GSPT1: variants seen among roughly 807,000 people sequenced by gnomAD.
GSPT1 encodes eukaryotic peptide chain release factor GTP-binding subunit ERF3A.
Under a neutral mutation model 72.5 loss-of-function variants are expected in GSPT1, and 20 were observed. That is an observed-to-expected ratio of 0.28 (90% CI 0.19 to 0.40). The LOEUF (loss-of-function observed/expected upper bound fraction) is 0.40, where lower values mean the gene tolerates loss of function less well. Among genes scored for constraint, GSPT1 ranks in the 10% least tolerant of loss-of-function variants. GSPT1 has a pLI of 1.00. For synonymous variants in GSPT1, 334 were observed against 293.5 expected (o/e 1.14, Z -1.41); for missense variants, 580 against 811.9 (o/e 0.71, Z 3.47).
Position 11,887,676 on chromosome 16 carries a change from T to C in GSPT1, c.851A>G (p.Tyr284Cys), listed in dbSNP as rs773652750. ...KGKTVEVGRA[Y>C]FETEKKHFTI... ...GAAATGCTTCTTTTCGGTTTCAAAA[T>C]AGGCACGACCCACTTCTACTGTTTT... is the stretch of plus-strand genomic sequence containing the variant. The change falls in exon 7 of 15, where the codon TAT becomes TGT. Residue 284 changes from tyrosine to cysteine, a missense_variant. Physicochemically the swap from Tyr to Cys is radical, Grantham distance 194. Coordinates refer to ENST00000434724, the MANE Select transcript of GSPT1 (RefSeq NM_002094.4). 9 of 1,613,438 alleles carry C rather than the reference T, an allele frequency of 5.6e-6. No individual in the cohort carries two copies. The highest frequency in any genetic ancestry group is 3.3e-5 in the South Asian group (3 of 91,074).
intron 1 of GSPT1, among the ~76,000 whole-genome samples, chr16:11,898,602 C>A (rs148073993): frequency 4.2e-4 from 64 of 152,240 alleles, no homozygotes; most frequent in African/African-American, 1.4e-3. Context: ...CAGGTGCATG[C>A]CACCATGCCC....
intron 11 of GSPT1, chr16:11,881,646 C>T (rs1386149237): frequency 1.5e-5 from 1 of 66,956 alleles, no homozygotes; most frequent in African/African-American, 4.4e-5. Flanking sequence ...CTGCCTTACA[C>T]TTCCATAGCT....
At chr16:11,894,923 C>G (rs2054315196) in intron 5 of GSPT1, 31 bp downstream of exon 5, 1 of 1,413,422 alleles carries the variant, frequency 7.1e-7, no homozygotes. Context: ...ATCAATTTAA[C>G]TCTGTTATTT....
Position 11,887,021 on chromosome 16 carries a change from G to A in GSPT1, c.958-90C>T, listed in dbSNP as rs978816320. 9.2e-6 allele frequency: 5 copies of A among 545,750 alleles called. No homozygotes were observed. In the East Asian group the frequency reaches 1.1e-4, roughly 12 times the overall value. 33.8% of individuals were successfully genotyped at this position (545,750 alleles called of 1,614,324 possible). A position where few individuals can be genotyped will look rare whatever the true frequency, so the allele number is the denominator to read the frequency against. ...ATCTTTCCTTTCAGTTATATCACGA[G>A]TTTTTTTTTTTTTTTTTGCAAGAAA... On this transcript the variant is annotated intron_variant, in intron 7 of 14. Transcript: ENST00000434724.
intron 5 of GSPT1, among the ~76,000 whole-genome samples, chr16:11,892,511 AAAC>A (rs1298165388): frequency 3.0e-5 from 4 of 134,000 alleles, no homozygotes; most frequent in Non-Finnish European, 6.3e-5. Context: ...TTTCTCAAAA[AAAC>A]AAAAAAAACA....
At chr16:11,876,212 T>C in intron 12 of GSPT1, 37 bp from the exon 13 acceptor site, 1 of 1,254,616 alleles carries the variant, frequency 8.0e-7, no homozygotes, top group Non-Finnish European at 1.2e-6. Flanking sequence ...TCTTTAGCCT[T>C]AGGGTAAATA....
At chr16:11,892,957 G>C (rs988408592) in intron 5 of GSPT1, among the ~76,000 whole-genome samples, 1 of 150,314 alleles carries the variant, frequency 6.7e-6, no homozygotes, top group Admixed American at 6.7e-5. Flanking sequence ...AGGAAGTTTT[G>C]ATGAATGACT....
intron 5 of GSPT1, among the ~76,000 whole-genome samples, chr16:11,894,443 T>G (rs1358737067): frequency 1.3e-5 from 2 of 152,068 alleles, no homozygotes; most frequent in Non-Finnish European, 2.9e-5. Context: ...CATATACATT[T>G]AAGGAGCTGA....
chr16:11,896,077 T>C (rs1160768947), intron 4 of GSPT1, among the ~76,000 whole-genome samples: 2 of 152,268 alleles, frequency 1.3e-5, no homozygotes, highest in Non-Finnish European at 2.9e-5. Context: ...AATTAGAGAA[T>C]ATCTGAGTAA....
At chr16:11,905,469 T>C (rs2054476916) in intron 1 of GSPT1, among the ~76,000 whole-genome samples, 1 of 152,180 alleles carries the variant, frequency 6.6e-6, no homozygotes, top group Admixed American at 6.6e-5. Context: ...TCCCATTCCC[T>C]GTCCATCCCC....
chr16:11,878,403 C>T (rs1376580790), intron 11 of GSPT1, among the ~76,000 whole-genome samples: 1 of 152,090 alleles, frequency 6.6e-6, no homozygotes, highest in East Asian at 1.9e-4. Flanking sequence ...AGGCGTGAGC[C>T]ACTGTGCCCG....
chr16:11,911,528 G>C (rs1406023412), intron 1 of GSPT1, among the ~76,000 whole-genome samples: 1 of 149,286 alleles, frequency 6.7e-6, no homozygotes, highest in Non-Finnish European at 1.5e-5. Context: ...TGGGACTACA[G>C]GTTTGTGCCA....
chr16:11,887,767 A>G lies in GSPT1; in HGVS notation c.777-17T>C, dbSNP rs1345625309. ...GACAAGTACCTGAAATAATTTTTAA[A>G]AAAAGAACAATATTCCTAAGAACAT... On this transcript the variant is annotated splice_polypyrimidine_tract_variant and intron_variant, in intron 6 of 14. Transcript: ENST00000434724. 1.3e-6 allele frequency: 2 copies of G among 1,545,800 alleles called. No homozygotes were observed. Among genetic ancestry groups the G allele is most frequent in the South Asian group, 2.3e-5 (2 of 86,172 alleles).
At chr16:11,895,837 G>C (rs1223839309) in intron 4 of GSPT1, among the ~76,000 whole-genome samples, 3 of 152,308 alleles carry the variant, frequency 2.0e-5, no homozygotes, top group East Asian at 3.9e-4. Flanking sequence ...ATGTTGGCCA[G>C]GCTGGTCTTG....
Position 11,886,859 on chromosome 16 carries a change from A to G in GSPT1, c.1030T>C (p.Leu344=). 3.7e-6 allele frequency: 6 copies of G among 1,613,574 alleles called. No homozygotes were observed. Among genetic ancestry groups the G allele is most frequent in the Non-Finnish European group, 4.2e-6 (5 of 1,179,512 alleles). ...TGTTTTACACCTGCTGTCTTTGCCA[A>G]CATTGCATGTTCTCTTGTCTGTCCT... is the stretch of plus-strand genomic sequence containing the variant. ...KGGQTREHAM[L]AKTAGVKHLI... The change falls in exon 8 of 15, where the codon TTG becomes CTG. Residue 344 remains leucine (L), a synonymous_variant. Transcript: ENST00000434724.
chr16:11,904,339 A>T (rs2054458164), intron 1 of GSPT1, among the ~76,000 whole-genome samples: 1 of 152,038 alleles, frequency 6.6e-6, no homozygotes, highest in South Asian at 2.1e-4. Flanking sequence ...AGTAGCTGGG[A>T]CTACAGGCGC....
chr16:11,898,985 G>T (rs2054373463), intron 1 of GSPT1, among the ~76,000 whole-genome samples: 1 of 152,120 alleles, frequency 6.6e-6, no homozygotes, highest in African/African-American at 2.4e-5. Flanking sequence ...GACATTACTG[G>T]AAGAGATGTA....
chr16:11,890,981 T>C (rs1197422313), intron 6 of GSPT1, 81 bp downstream of exon 6: 5 of 676,760 alleles, frequency 7.4e-6, no homozygotes, highest in African/African-American at 3.7e-5. Context: ...CAACAATTTA[T>C]ATTTTAACAG....
chr16:11,876,287 T>C lies in GSPT1; in HGVS notation c.1603-112A>G, dbSNP rs2054045252. The C allele has an allele frequency of 4.1e-6, 3 of 733,842 alleles. No homozygotes were observed. In the Admixed American group the frequency reaches 6.4e-5, roughly 16 times the overall value. 45.5% of individuals were successfully genotyped at this position (733,842 alleles called of 1,614,324 possible). On this transcript the variant is annotated intron_variant, in intron 12 of 14. Coordinates refer to ENST00000434724, the MANE Select transcript of GSPT1 (RefSeq NM_002094.4). Reference sequence around the variant, plus strand: ...TTAGTGTTACCATCTCACTAGGACATCAACTTAAGTGATTTTTGTGTTAGA... The same window carrying C: ...TTAGTGTTACCATCTCACTAGGACACCAACTTAAGTGATTTTTGTGTTAGA...
Sources: gnomAD v4.1 joint callset for allele counts (sites outside exome capture counted in the v4.1 genomes callset) on GRCh38, gnomAD v4.1.1 for gene constraint, MANE v1.5 for transcripts, NCBI Gene and HGNC (gene_info 2026-07-23, HGNC 2026-07-21) for gene names.